Variants in SHOC1 observed in about 807,000 individuals in gnomAD.
SHOC1 encodes shortage in chiasmata 1.
Under a neutral mutation model 179.2 loss-of-function variants are expected in SHOC1, and 136 were observed. The observed-to-expected ratio is 0.76, with a 90% confidence interval of 0.66 to 0.87. The LOEUF (loss-of-function observed/expected upper bound fraction) is 0.87, where lower values mean the gene tolerates loss of function less well. Ranked by LOEUF, SHOC1 falls within the 40% of genes least tolerant of loss-of-function variation. The pLI is 0.00. For synonymous variants in SHOC1, 489 were observed against 586.6 expected, an observed-to-expected ratio of 0.83 and a Z score of 2.41; for missense variants, 1,538 against 1,700.8, an observed-to-expected ratio of 0.90 and a Z score of 1.68.
chr9:111,718,865 G>T (rs1021036035), intron 15 of SHOC1, among the ~76,000 whole-genome samples: 19 of 152,140 alleles, frequency 1.2e-4, no homozygotes, highest in African/African-American at 4.6e-4. Flanking sequence ...TTGGACGATA[G>T]ACTGGATTTT....
At chr9:111,737,699 CACA>C (rs1291187747) in intron 12 of SHOC1, among the ~76,000 whole-genome samples, 17 of 131,940 alleles carry the variant, frequency 1.3e-4, no homozygotes, top group African/African-American at 5.4e-4. Context: ...CCCCCCCCCC[CACA>C]CACAAAATAT....
intron 8 of SHOC1, among the ~76,000 whole-genome samples, chr9:111,752,592 A>T (rs1785158976): frequency 6.6e-6 from 1 of 152,242 alleles, no homozygotes; most frequent in South Asian, 2.1e-4. Flanking sequence ...CTACAAAAAA[A>T]TATGTTACTG....
chr9:111,727,505 T>G, intron 13 of SHOC1, 128 bp downstream of exon 13: 1 of 800,392 alleles, frequency 1.2e-6, no homozygotes, highest in East Asian at 2.9e-5. Flanking sequence ...TCAATGACAT[T>G]TTCCTTGACT....
chr9:111,712,217 A>G (rs1832583224), intron 18 of SHOC1, among the ~76,000 whole-genome samples: 1 of 152,188 alleles, frequency 6.6e-6, no homozygotes, highest in South Asian at 2.1e-4. Context: ...TGTTGAATGA[A>G]TCATTCACAT....
intron 16 of SHOC1, among the ~76,000 whole-genome samples, chr9:111,716,090 C>G (rs1832773620): frequency 6.6e-6 from 1 of 152,062 alleles, no homozygotes; most frequent in South Asian, 2.1e-4. Context: ...AGAGAAAGCC[C>G]TCTACTAAAA....
rs1832696396 is a variant in SHOC1, at chr9:111,714,458, T to C, written c.2402A>G (p.Gln801Arg). ...CCAATACTTAACCTTAATTTGCTGT[T>C]GACTTTGCATCCAACTTAGTATCTG... ...QCQILSWMQS[Q>R]QQIKVLIIIR... The change falls in exon 17 of 28, where the codon CAA (glutamine) becomes CGA (arginine). Residue 801 changes from glutamine (Q) to arginine (R), a missense_variant. Physicochemically the swap from Gln to Arg is conservative, Grantham distance 43. Coordinates refer to ENST00000682961, the MANE Select transcript of SHOC1 (RefSeq NM_001378211.1). The C allele has an allele frequency of 6.2e-7, 1 of 1,613,540 alleles. No homozygotes were observed. Among genetic ancestry groups the C allele is most frequent in the South Asian group, 1.1e-5 (1 of 90,950 alleles).
rs1160543040 is a variant in SHOC1 at position 111,707,984 on chromosome 9, T to C, written c.2489-60A>G. The C allele has an allele frequency of 1.7e-5, 16 of 918,740 alleles. 1 individual carries two copies. Among genetic ancestry groups the C allele is most frequent in the Non-Finnish European group, 2.3e-5 (14 of 619,352 alleles). The allele number at this position is 918,740 out of a possible 1,614,324, so 56.9% of individuals were successfully genotyped here. ...TGTTCAGATACATATTTTTGGTATGTCATATATTTCACTACCATAAAAATG... is the reference window on the plus strand; with the variant it reads ...TGTTCAGATACATATTTTTGGTATGCCATATATTTCACTACCATAAAAATG... On this transcript the variant is annotated intron_variant, in intron 18 of 27. Coordinates refer to ENST00000682961, the MANE Select transcript of SHOC1 (RefSeq NM_001378211.1).
At chr9:111,743,085 T>C (rs1834116542) in intron 10 of SHOC1, among the ~76,000 whole-genome samples, 1 of 152,226 alleles carries the variant, frequency 6.6e-6, no homozygotes. Flanking sequence ...TAGAATCTTA[T>C]ATGTGGTAGG....
chr9:111,747,236 T>A (rs1834330335), intron 9 of SHOC1, among the ~76,000 whole-genome samples: 1 of 152,130 alleles, frequency 6.6e-6, no homozygotes, highest in African/African-American at 2.4e-5. Context: ...AATAGATAAT[T>A]CAGAAGATCC....
intron 1 of SHOC1, among the ~76,000 whole-genome samples, chr9:111,792,887 CTT>C (rs557546500): frequency 1.4e-5 from 2 of 145,872 alleles, no homozygotes; most frequent in Non-Finnish European, 3.0e-5. Context: ...TATCACTGAT[CTT>C]TTTTTTTTTT....
intron 15 of SHOC1, among the ~76,000 whole-genome samples, chr9:111,721,025 A>T (rs1833021689): frequency 6.6e-6 from 1 of 152,148 alleles, no homozygotes; most frequent in Non-Finnish European, 1.5e-5. Context: ...ATTCATATCA[A>T]TCCTCTTGTG....
At chr9:111,698,146 G>T (rs1190322497) in intron 24 of SHOC1, among the ~76,000 whole-genome samples, 1 of 152,162 alleles carries the variant, frequency 6.6e-6, no homozygotes, top group East Asian at 1.9e-4. Context: ...TAGGTTGCAT[G>T]TTCACTCTGA....
chr9:111,716,574 A>G lies in SHOC1; in HGVS notation c.2236+1610T>C, dbSNP rs1832803689. 2.6e-5 allele frequency among the ~76,000 whole-genome samples: 4 copies of G among 151,734 alleles called. No homozygotes were observed. The South Asian group carries it at 8.3e-4, about 32-fold the overall frequency. ...CCAGGCTAATTTTTGAATTTTTAGT[A>G]GAGGCAGGGTTTCACCATGTTGGCC... On this transcript the variant is annotated intron_variant, in intron 16 of 27. Transcript: ENST00000682961.
At chr9:111,701,797 CA>C (rs1252227788) in intron 23 of SHOC1, among the ~76,000 whole-genome samples, 2 of 151,918 alleles carry the variant, frequency 1.3e-5, no homozygotes, top group Admixed American at 6.6e-5. Flanking sequence ...CAAGTGTATA[CA>C]AAAAATTTAG....
Position 111,741,553 on chromosome 9 carries a change from T to TC in SHOC1, c.1096dup (p.Glu366GlyfsTer5). The stretch of plus-strand genomic sequence containing the variant: ...CATGTAGTATTCATTAGCTGATTCT[T>TC]CAGCAGTAAGCAAATTACTGAAAAA... On this transcript the variant is annotated frameshift_variant, in exon 11 of 28. Transcript: ENST00000682961. LOFTEE classifies it high-confidence loss of function. 6.2e-7 allele frequency: 1 copy of TC among 1,606,072 alleles called. No individual in the cohort carries two copies.
At chr9:111,753,024 GC>G (rs2131547736) in intron 8 of SHOC1, among the ~76,000 whole-genome samples, 1 of 152,214 alleles carries the variant, frequency 6.6e-6, no homozygotes, top group East Asian at 1.9e-4. Flanking sequence ...ACCAGCCTGA[GC>G]AACATAGTGA....
At chr9:111,767,178 G>T (rs1398574704) in intron 5 of SHOC1, among the ~76,000 whole-genome samples, 2 of 152,122 alleles carry the variant, frequency 1.3e-5, no homozygotes, top group Non-Finnish European at 1.5e-5. Flanking sequence ...TTGTTGTGCA[G>T]AAGCTTTTTA....
chr9:111,770,474 G>A (rs1184247701), intron 5 of SHOC1, among the ~76,000 whole-genome samples: 2 of 152,096 alleles, frequency 1.3e-5, no homozygotes, highest in African/African-American at 4.8e-5. Flanking sequence ...ATGTGCTGAT[G>A]AAAAGAATAT....
At chr9:111,771,428 A>G (rs1835603298) in intron 5 of SHOC1, among the ~76,000 whole-genome samples, 1 of 152,176 alleles carries the variant, frequency 6.6e-6, no homozygotes, top group South Asian at 2.1e-4. Context: ...ACACACCACA[A>G]TTATTGTAAC....
Sources: allele counts gnomAD v4.1 joint callset (sites outside exome capture counted in the v4.1 genomes callset), GRCh38; gene constraint gnomAD v4.1.1; transcripts MANE v1.5; gene names NCBI Gene and HGNC (gene_info 2026-07-23, HGNC 2026-07-21).